CDH16: variants seen among roughly 807,000 people sequenced by gnomAD.
CDH16 encodes the protein cadherin-16.
In CDH16, 79 loss-of-function variants were observed where a neutral mutation model predicts 87.6. That is an observed-to-expected ratio of 0.90 (90% CI 0.75 to 1.09). The LOEUF (loss-of-function observed/expected upper bound fraction) is 1.09, where lower values mean the gene tolerates loss of function less well. CDH16 is among the 50% of genes least tolerant of loss of function. The pLI is 0.00. For missense variants in CDH16, 1,124 were observed against 1,071.7 expected (o/e 1.05, Z -0.68); for synonymous variants, 457 against 439.5 (o/e 1.04, Z -0.50).
At position 66,916,367 on chromosome 16, in the gene CDH16, T is replaced by C; in HGVS notation, c.192A>G (p.Ala64=). Residue 64 remains alanine, a synonymous_variant, in exon 4 of 18, where the codon GCA becomes GCG. Coordinates refer to ENST00000299752, the MANE Select transcript of CDH16 (RefSeq NM_004062.4). This position sits in a 1 kb window ranked among gnomAD's most constrained non-coding sequence, Gnocchi z 4.1. ...GATCCATAGCAAATGGGCCCTCAGT[T>C]GCCTTGCCTGAGTCCCCTGACAGCA... is the stretch of plus-strand genomic sequence containing the variant. The part of the protein sequence containing the change: ...QIVLSGDSGK[A]TEGPFAMDPD... The C allele has an allele frequency of 6.2e-7, 1 of 1,614,010 alleles. No homozygotes were observed. Among genetic ancestry groups the C allele is most frequent in the East Asian group, 2.2e-5 (1 of 44,876 alleles).
chr16:66,912,974 TA>T, intron 9 of CDH16, 83 bp from the exon 10 acceptor site: 1 of 1,445,434 alleles, frequency 6.9e-7, no homozygotes, highest in Non-Finnish European at 9.5e-7. Context: ...TGTGCCAAAC[TA>T]AACTGAATTT....
chr16:66,908,708 A>G (rs755058681), intron 17 of CDH16, among the ~76,000 whole-genome samples: 7 of 152,190 alleles, frequency 4.6e-5, no homozygotes, highest in Non-Finnish European at 7.4e-5. Flanking sequence ...CAGTATACTC[A>G]GCCTCCAAAG....
chr16:66,917,593 C>A (rs1266005367), intron 3 of CDH16, 49 bp downstream of exon 3: 1 of 1,362,028 alleles, frequency 7.3e-7, no homozygotes, highest in Admixed American at 1.8e-5. Context: ...AGAAGCAGGA[C>A]TTTGCGGGGA....
intron 14 of CDH16, 92 bp downstream of exon 14, chr16:66,911,090 G>A (rs1306372792): frequency 1.8e-5 from 24 of 1,348,254 alleles, no homozygotes; most frequent in Non-Finnish European, 2.2e-5. Flanking sequence ...GGGGTTGCCA[G>A]TGAGGGCCTC....
At chr16:66,914,188 C>G in intron 7 of CDH16, 28 bp downstream of exon 7, 3 of 1,590,506 alleles carry the variant, frequency 1.9e-6, no homozygotes, top group Non-Finnish European at 2.6e-6. Context: ...CATGGGGCTG[C>G]TTCAGCCACT....
chr16:66,917,605 G>A (rs1265064017), intron 3 of CDH16, 37 bp downstream of exon 3: 2 of 1,474,642 alleles, frequency 1.4e-6, no homozygotes, highest in Admixed American at 1.7e-5. Context: ...TTGCGGGGAG[G>A]GATCCCCCCG....
intron 7 of CDH16, among the ~76,000 whole-genome samples, 164 bp from the exon 8 acceptor site, chr16:66,913,777 G>T (rs549827053): frequency 6.6e-6 from 1 of 152,328 alleles, no homozygotes; most frequent in East Asian, 1.9e-4. Context: ...CAGGGCACAT[G>T]TTGTTAGTGG....
chr16:66,918,238 C>T (rs1229862393), intron 1 of CDH16, among the ~76,000 whole-genome samples, 160 bp from the exon 2 acceptor site: 3 of 152,214 alleles, frequency 2.0e-5, no homozygotes, highest in East Asian at 1.9e-4. Context: ...CCCTGCTCCT[C>T]GGCCAGGCCC....
intron 6 of CDH16, 33 bp downstream of exon 6, chr16:66,915,187 C>T: frequency 6.4e-7 from 1 of 1,560,518 alleles, no homozygotes; most frequent in Non-Finnish European, 8.7e-7. Context: ...TTTCTCTGAC[C>T]CTCCCTCCCC....
At position 66,910,424 on chromosome 16, in the gene CDH16, G is replaced by A; in HGVS notation, c.2003C>T (p.Ala668Val). 1 of 1,604,056 alleles carries A rather than the reference G, an allele frequency of 6.2e-7. No individual in the cohort carries two copies. Among genetic ancestry groups the A allele is most frequent in the African/African-American group, 1.3e-5 (1 of 74,806 alleles). Residue 668 changes from alanine (A) to valine (V), a missense_variant, in exon 15 of 18, where the codon GCC becomes GTC. By Grantham distance (64) the Ala-to-Val change is moderately conservative. Transcript: ENST00000299752. ...GCAGAGGTATTGGGAGGGCACAGGG[G>A]CAAGAGTCAGGGCTGGGGCAGGAGG... ...KAPPAPALTLAPVPSQYLCTP... is the reference protein window; with the variant it reads ...KAPPAPALTLVPVPSQYLCTP...
chr16:66,912,802 G>T lies in CDH16; in HGVS notation c.1144C>A (p.Pro382Thr), dbSNP rs1325258790. 1 of 1,613,668 alleles carries T rather than the reference G, an allele frequency of 6.2e-7. No individual in the cohort carries two copies. The highest frequency in any genetic ancestry group is 1.1e-5 in the South Asian group (1 of 91,074). Residue 382 changes from proline to threonine, a missense_variant, in exon 10 of 18, where the codon CCT becomes ACT. Transcript: ENST00000299752. ...HVVYQLLSPE[P>T]EDGVEGRAFQ... Reference sequence around the variant, plus strand: ...GCTCTCCCCTCTACCCCATCCTCAGGCTCAGGGCTCAGGAGCTGATACACA... The same window carrying T: ...GCTCTCCCCTCTACCCCATCCTCAGTCTCAGGGCTCAGGAGCTGATACACA...
chr16:66,910,275 G>C lies in CDH16; in HGVS notation c.2152C>G (p.Leu718Val), dbSNP rs747755011. 1.2e-6 allele frequency: 2 copies of C among 1,603,820 alleles called. No homozygotes were observed. Among genetic ancestry groups the C allele is most frequent in the Middle Eastern group, 3.3e-4 (2 of 6,004 alleles). ...CACCACACACCATTGAGAGTCTGGA[G>C]GCGCCAATCCCGTTGCACCGTGGGG... ...PNPTVQRDWR[L>V]QTLNGSHAYL... Residue 718 changes from leucine (L) to valine (V), a missense_variant, in exon 15 of 18, where the codon CTC (leucine) becomes GTC (valine). Coordinates refer to ENST00000299752, the MANE Select transcript of CDH16 (RefSeq NM_004062.4).
At chr16:66,913,066 T>A (rs1239314667) in intron 9 of CDH16, 65 bp downstream of exon 9, 11 of 1,542,932 alleles carry the variant, frequency 7.1e-6, no homozygotes, top group Non-Finnish European at 3.5e-6. Flanking sequence ...TGGGTCCTTA[T>A]CCCAGAGAAG....
intron 6 of CDH16, among the ~76,000 whole-genome samples, chr16:66,914,913 C>T (rs910074655): frequency 1.3e-5 from 2 of 152,152 alleles, no homozygotes; most frequent in South Asian, 4.2e-4. Flanking sequence ...AGGTCTCTTC[C>T]GCCATCAGTC....
chr16:66,913,193 T>C lies in CDH16; in HGVS notation c.992A>G (p.Asp331Gly). ...ACGGGGAGGGCAGATAGGCACGTTG[T>C]CATTCTCATCCATCACCAGCACGTG... Reference protein sequence around the residue: ...ELHVLVMDENDNVPICPPRDP... With the variant: ...ELHVLVMDENGNVPICPPRDP... The change falls in exon 9 of 18, where the codon GAC becomes GGC. Residue 331 changes from aspartate to glycine, a missense_variant. Physicochemically the swap from Asp to Gly is moderately conservative, Grantham distance 94 (BLOSUM62 -1). Transcript: ENST00000299752. The C allele has an allele frequency of 6.2e-7, 1 of 1,604,800 alleles. No homozygotes were observed. The highest frequency in any genetic ancestry group is 8.5e-7 in the Non-Finnish European group (1 of 1,175,624).
At position 66,913,585 on chromosome 16, in the gene CDH16, T is replaced by A; in HGVS notation, c.809A>T (p.Tyr270Phe). The A allele has an allele frequency of 6.2e-7, 1 of 1,614,062 alleles. No homozygotes were observed. The highest frequency in any genetic ancestry group is 8.5e-7 in the Non-Finnish European group (1 of 1,179,982). Residue 270 changes from tyrosine to phenylalanine, a missense_variant, in exon 8 of 18, where the codon TAT (tyrosine) becomes TTT (phenylalanine). Coordinates refer to ENST00000299752, the MANE Select transcript of CDH16 (RefSeq NM_004062.4). ...QVHWSGGDVH[Y>F]HLESHPPGPF... Reference sequence around the variant, plus strand: ...TCCCGGGGGATGGCTCTCCAGGTGATAGTGCACATCACCCCCACTCCAGTG... The same window carrying A: ...TCCCGGGGGATGGCTCTCCAGGTGAAAGTGCACATCACCCCCACTCCAGTG...
Position 66,913,519 on chromosome 16 carries a change from C to G in CDH16, c.875G>C (p.Arg292Thr). ...VNAEGNLYVT[R>T]ELDREAQAEY... Reference sequence around the variant, plus strand: ...AGCCTGGGCTTCTCTGTCCAGCTCTCTGGTCACGTAGAGGTTTCCCTCTGC... The same window carrying G: ...AGCCTGGGCTTCTCTGTCCAGCTCTGTGGTCACGTAGAGGTTTCCCTCTGC... Residue 292 changes from arginine (R) to threonine (T), a missense_variant, in exon 8 of 18, where the codon AGA (arginine) becomes ACA (threonine). Transcript: ENST00000299752. 1 of 1,614,202 alleles carries G rather than the reference C, an allele frequency of 6.2e-7. No individual in the cohort carries two copies. The highest frequency in any genetic ancestry group is 1.1e-5 in the South Asian group (1 of 91,086).
intron 2 of CDH16, 140 bp downstream of exon 2, chr16:66,917,881 G>T: frequency 1.0e-6 from 1 of 964,532 alleles, no homozygotes; most frequent in Non-Finnish European, 1.6e-6. Flanking sequence ...TCCCACAGTG[G>T]CTCTATAGTC....
In CDH16 at chr16:66,914,225, G is replaced by T; in HGVS notation, c.771C>A (p.His257Gln). Residue 257 changes from histidine (H) to glutamine (Q), a missense_variant, in exon 7 of 18, where the codon CAC becomes CAA. His to Gln is a conservative substitution (Grantham distance 24). Transcript: ENST00000299752. The part of the protein sequence containing the change: ...AENLKVLYPH[H>Q]MAQVHWSGGD... Reference sequence around the variant, plus strand: ...ACAGCCACTTACTCACCTGGGCCATGTGGTGCGGGTATAGGACTTTGAGAT... The same window carrying T: ...ACAGCCACTTACTCACCTGGGCCATTTGGTGCGGGTATAGGACTTTGAGAT... 1 of 1,612,884 alleles carries T rather than the reference G, an allele frequency of 6.2e-7. No individual in the cohort carries two copies. The highest frequency in any genetic ancestry group is 8.5e-7 in the Non-Finnish European group (1 of 1,178,922).
Sources: gnomAD v4.1 joint callset for allele counts (sites outside exome capture counted in the v4.1 genomes callset) on GRCh38, gnomAD v4.1.1 for gene constraint, Gnocchi (gnomAD v3.1) non-coding constraint, MANE v1.5 for transcripts, NCBI Gene and HGNC (gene_info 2026-07-23, HGNC 2026-07-21) for gene names.